DNER: variants seen among roughly 807,000 people sequenced by gnomAD.
DNER encodes delta and Notch-like epidermal growth factor-related receptor.
In DNER, 33 loss-of-function variants were observed where a neutral mutation model predicts 78.2. The ratio of observed to expected loss-of-function variants is 0.42; its 90% CI spans 0.32 to 0.56. The LOEUF (loss-of-function observed/expected upper bound fraction) is 0.56, where lower values mean the gene tolerates loss of function less well. Among genes scored for constraint, DNER ranks in the 20% least tolerant of loss-of-function variants. The probability of loss-of-function intolerance (pLI) is 0.11; values close to 1 mark genes in which losing one functional copy is unlikely to be tolerated. For synonymous variants in DNER, 417 were observed against 384.8 expected (o/e 1.08, Z -0.98); for missense variants, 918 against 975.3 (o/e 0.94, Z 0.78).
chr2:229,388,604 T>C (rs1166507583), intron 10 of DNER, among the ~76,000 whole-genome samples: 2 of 24,428 alleles, frequency 8.2e-5, no homozygotes, highest in Non-Finnish European at 1.5e-4. Flanking sequence ...TATATATATA[T>C]ATATATATAT....
intron 1 of DNER, among the ~76,000 whole-genome samples, chr2:229,647,904 C>T (rs1698747932): frequency 6.6e-6 from 1 of 152,138 alleles, no homozygotes; most frequent in Admixed American, 6.6e-5. Context: ...AGATAATCAT[C>T]TGTGATTCGG....
intron 4 of DNER, among the ~76,000 whole-genome samples, chr2:229,563,643 C>A (rs1431112711): frequency 6.7e-6 from 1 of 148,652 alleles, no homozygotes; most frequent in African/African-American, 2.5e-5. Context: ...ACATCATCAA[C>A]ATCATCATCA....
intron 1 of DNER, among the ~76,000 whole-genome samples, chr2:229,697,541 T>C (rs1699680872): frequency 1.3e-5 from 2 of 152,264 alleles, no homozygotes; most frequent in Admixed American, 6.5e-5. Context: ...ATACCTGGGA[T>C]GGTTTATGAT....
intron 8 of DNER, among the ~76,000 whole-genome samples, chr2:229,446,713 A>G (rs1443723023): frequency 6.6e-6 from 1 of 152,252 alleles, no homozygotes; most frequent in East Asian, 1.9e-4. Context: ...TCTAGGTATC[A>G]AAACCTCCAT....
intron 7 of DNER, among the ~76,000 whole-genome samples, chr2:229,467,290 G>A (rs776910433): frequency 1.3e-5 from 2 of 152,184 alleles, no homozygotes; most frequent in South Asian, 2.1e-4. Flanking sequence ...ATGAACTGAG[G>A]AGAGGCGTCA....
intron 10 of DNER, among the ~76,000 whole-genome samples, chr2:229,389,136 A>G (rs1170806556): frequency 6.6e-6 from 1 of 152,046 alleles, no homozygotes; most frequent in Non-Finnish European, 1.5e-5. Context: ...ATGGTGGTCC[A>G]AGGGAAGCTG....
At chr2:229,475,487 G>T (rs58630604) in intron 7 of DNER, among the ~76,000 whole-genome samples, 18,947 of 152,184 alleles carry the variant, frequency 0.12, 1,324 homozygotes, top group South Asian at 0.2. Context: ...TCCCTTCTGT[G>T]CATCTTCAAA....
chr2:229,668,416 TTTTATATA>T (rs1271840994), intron 1 of DNER, among the ~76,000 whole-genome samples: 2 of 14,266 alleles, frequency 1.4e-4, no homozygotes, highest in Admixed American at 1.3e-3. Flanking sequence ...TAAAATATTC[TTTTATATA>T]TATATATATA....
intron 1 of DNER, among the ~76,000 whole-genome samples, chr2:229,604,948 A>G (rs116167340): frequency 0.016 from 2,497 of 152,294 alleles, 77 homozygotes; most frequent in African/African-American, 0.056. Flanking sequence ...AAAATCAACA[A>G]GAGCCAAAGA....
At chr2:229,457,901 G>A (rs1203451672) in intron 7 of DNER, among the ~76,000 whole-genome samples, 1 of 151,646 alleles carries the variant, frequency 6.6e-6, no homozygotes, top group African/African-American at 2.4e-5. Context: ...ACTTCAGGAG[G>A]CCAAGGTGGG....
At chr2:229,494,010 G>A (rs1244206891) in intron 6 of DNER, among the ~76,000 whole-genome samples, 1 of 152,102 alleles carries the variant, frequency 6.6e-6, no homozygotes, top group Non-Finnish European at 1.5e-5. Context: ...TATAACTTCG[G>A]GCAATAAGCT....
chr2:229,636,355 A>G lies in DNER; in HGVS notation c.277-44467T>C, dbSNP rs150801459. On this transcript the variant is annotated intron_variant, in intron 1 of 12. Coordinates refer to ENST00000341772, the MANE Select transcript of DNER (RefSeq NM_139072.4). ...ACAGAGGTGCCAAGTCATAGGGAAG[A>G]TAGTGTTCAACTGGCACAAAAAGTC... 1.2e-3 allele frequency among the ~76,000 whole-genome samples: 189 copies of G among 152,362 alleles called. 1 individual carries two copies. The highest frequency in any genetic ancestry group is 4.4e-3 in the African/African-American group (184 of 41,590).
At chr2:229,467,511 G>A (rs1363947155) in intron 7 of DNER, among the ~76,000 whole-genome samples, 1 of 152,152 alleles carries the variant, frequency 6.6e-6, no homozygotes, top group Non-Finnish European at 1.5e-5. Context: ...CCTTAAGGTG[G>A]TCAGAGTCAG....
At position 229,613,499 on chromosome 2, in the gene DNER, T is replaced by C. The variant is rs78533588; in HGVS notation, c.277-21611A>G. Among the ~76,000 whole-genome samples the C allele has an allele frequency of 4.9e-4, 74 of 152,322 alleles. 1 individual carries two copies. The East Asian group carries it at 0.014, about 28-fold the overall frequency. Reference sequence around the variant, plus strand: ...GGATTTCCAAAACTAAAAGTAACCCTGTAAGGCAAATATTACCAACTCCAT... The same window carrying C: ...GGATTTCCAAAACTAAAAGTAACCCCGTAAGGCAAATATTACCAACTCCAT... On this transcript the variant is annotated intron_variant, in intron 1 of 12. Transcript: ENST00000341772.
chr2:229,565,491 G>A (rs1193342622), intron 4 of DNER, among the ~76,000 whole-genome samples: 1 of 152,092 alleles, frequency 6.6e-6, no homozygotes, highest in Admixed American at 6.6e-5. Flanking sequence ...GAATAAACAA[G>A]ATATGGCTAC....
chr2:229,374,532 C>T (rs903891636), intron 11 of DNER, among the ~76,000 whole-genome samples: 1 of 152,188 alleles, frequency 6.6e-6, no homozygotes, highest in African/African-American at 2.4e-5. Context: ...TTGTGCTGGA[C>T]ACTAAGTGTT....
chr2:229,570,705 G>A (rs564945849), intron 4 of DNER, among the ~76,000 whole-genome samples: 2 of 151,996 alleles, frequency 1.3e-5, no homozygotes, highest in South Asian at 2.1e-4. Context: ...TGAGGGGCAC[G>A]AGAGGAGAAG....
chr2:229,573,770 T>C (rs1697252794), intron 4 of DNER, among the ~76,000 whole-genome samples: 2 of 152,174 alleles, frequency 1.3e-5, no homozygotes, highest in Admixed American at 6.5e-5. Context: ...AACTTGGCAA[T>C]GTGATAGCGT....
At chr2:229,550,499 G>A (rs1263851636) in intron 4 of DNER, among the ~76,000 whole-genome samples, 5 of 152,042 alleles carry the variant, frequency 3.3e-5, no homozygotes, top group South Asian at 2.1e-4. Flanking sequence ...TAAGTTGGCC[G>A]GGCGCAGTGG....
Sources: allele counts gnomAD v4.1 joint callset (sites outside exome capture counted in the v4.1 genomes callset), GRCh38; gene constraint gnomAD v4.1.1; transcripts MANE v1.5; gene names NCBI Gene and HGNC (gene_info 2026-07-23, HGNC 2026-07-21).